The following OR2L13 variants were observed in gnomAD, a reference collection of about 807,000 sequenced individuals.
OR2L13 encodes the protein olfactory receptor family 2 subfamily L member 13, also known as olfactory receptor 2L13.
A neutral mutation model predicts 15.3 loss-of-function variants in OR2L13; 14 were observed. That is an observed-to-expected ratio of 0.91 (90% CI 0.60 to 1.43). The LOEUF is 1.43. Ranked by LOEUF, OR2L13 falls within the 40% of genes most tolerant of loss-of-function variation. The pLI is 0.00. For missense variants in OR2L13, 367 were observed against 387.9 expected (o/e 0.95, Z 0.45); for synonymous variants, 152 against 142.9 (o/e 1.06, Z -0.45).
the OR2L13 span, among the ~76,000 whole-genome samples, chr1:247,954,079 C>G: frequency 5.3e-5 from 8 of 152,138 alleles, no homozygotes; most frequent in African/African-American, 1.9e-4. Context: ...TATGCTTTTC[C>G]TTCATTAATC....
the OR2L13 span, among the ~76,000 whole-genome samples, chr1:248,071,272 T>C: frequency 2.6e-5 from 4 of 152,042 alleles, no homozygotes; most frequent in Non-Finnish European, 5.9e-5. Context: ...AAAAAGCTTA[T>C]CCACCATGAT....
At chr1:248,063,799 T>C in the OR2L13 span, among the ~76,000 whole-genome samples, 9 of 151,644 alleles carry the variant, frequency 5.9e-5, no homozygotes, top group African/African-American at 1.4e-4. Context: ...TGTGCGTGTG[T>C]GTGTGTGTGT....
chr1:247,999,828 T>G, the OR2L13 span, among the ~76,000 whole-genome samples: 33 of 152,188 alleles, frequency 2.2e-4, no homozygotes, highest in Non-Finnish European at 2.6e-4. Flanking sequence ...ATGGAGTCAA[T>G]GACTTCACTG....
At chr1:248,073,468 G>T in the OR2L13 span, among the ~76,000 whole-genome samples, 2 of 151,634 alleles carry the variant, frequency 1.3e-5, no homozygotes, top group African/African-American at 4.8e-5. Context: ...ACACTCTGAG[G>T]ACTGTTGTGG....
the OR2L13 span, among the ~76,000 whole-genome samples, chr1:248,087,103 T>G: frequency 2.6e-5 from 4 of 152,134 alleles, no homozygotes; most frequent in Non-Finnish European, 5.9e-5. Context: ...CCTTCTCTCT[T>G]CTTTCTGGCA....
chr1:247,994,379 A>G, the OR2L13 span, among the ~76,000 whole-genome samples: 2 of 152,280 alleles, frequency 1.3e-5, no homozygotes, highest in African/African-American at 2.4e-5. Flanking sequence ...CCGGGGCGAC[A>G]GAGCGAGACT....
At chr1:248,086,769 TA>T in the OR2L13 span, among the ~76,000 whole-genome samples, 1 of 151,974 alleles carries the variant, frequency 6.6e-6, no homozygotes, top group African/African-American at 2.4e-5. Flanking sequence ...AGCTATTAAA[TA>T]GGATACCTGG....
chr1:248,049,408 A>T, the OR2L13 span, among the ~76,000 whole-genome samples: 8 of 152,204 alleles, frequency 5.3e-5, no homozygotes, highest in African/African-American at 1.9e-4. Context: ...GAGAGTCGTA[A>T]ATATTACGTT....
the OR2L13 span, among the ~76,000 whole-genome samples, chr1:248,029,418 C>T: frequency 6.6e-6 from 1 of 151,832 alleles, no homozygotes; most frequent in Non-Finnish European, 1.5e-5. Context: ...AATTTGAGAA[C>T]ATTTAAAGCA....
chr1:248,010,379 T>C, the OR2L13 span, among the ~76,000 whole-genome samples: 994 of 152,212 alleles, frequency 6.5e-3, 11 homozygotes, highest in African/African-American at 0.023. Flanking sequence ...GTCAATGCAG[T>C]GCTGAGAAGA....
chr1:247,969,926 G>T, the OR2L13 span, among the ~76,000 whole-genome samples: 1 of 152,082 alleles, frequency 6.6e-6, no homozygotes, highest in Non-Finnish European at 1.5e-5. Context: ...ATACAACATG[G>T]GTTGGTGTTC....
the OR2L13 span, among the ~76,000 whole-genome samples, chr1:247,993,059 T>C: frequency 6.6e-6 from 1 of 152,190 alleles, no homozygotes; most frequent in Non-Finnish European, 1.5e-5. Context: ...TTTTTAATTA[T>C]AGCCATAGTG....
the OR2L13 span, among the ~76,000 whole-genome samples, chr1:247,958,027 T>C: frequency 0.8 from 121,293 of 151,956 alleles, 52,606 homozygotes; most frequent in South Asian, 0.95. Context: ...TTTTTAATGG[T>C]GATGTTAGGG....
At chr1:247,949,622 C>T in the OR2L13 span, 1 of 1,613,956 alleles carries the variant, frequency 6.2e-7, no homozygotes. Flanking sequence ...CACCTTTTGT[C>T]TACACTTATC....
At chr1:247,981,839 G>A in the OR2L13 span, among the ~76,000 whole-genome samples, 14 of 149,036 alleles carry the variant, frequency 9.4e-5, no homozygotes, top group African/African-American at 3.5e-4. Flanking sequence ...TTTTTGAGAC[G>A]GAGTCTCGCT....
At chr1:248,003,716 G>T in the OR2L13 span, 94,725 of 1,595,238 alleles carry the variant, frequency 0.059, 1,544 homozygotes, top group African/African-American at 0.17. Context: ...GGTCTATGAG[G>T]GCACAGTGCT....
chr1:248,004,945 T>C, the OR2L13 span, among the ~76,000 whole-genome samples: 1 of 152,158 alleles, frequency 6.6e-6, no homozygotes, highest in African/African-American at 2.4e-5. Flanking sequence ...CTCACTCATC[T>C]GTGGGAGCTA....
chr1:248,073,113 A>T, the OR2L13 span, among the ~76,000 whole-genome samples: 1 of 151,696 alleles, frequency 6.6e-6, no homozygotes, highest in Non-Finnish European at 1.5e-5. Flanking sequence ...TGACCCAGCA[A>T]TCCCATTACT....
chr1:247,954,204 T>C, the OR2L13 span, among the ~76,000 whole-genome samples: 1 of 152,214 alleles, frequency 6.6e-6, no homozygotes, highest in Non-Finnish European at 1.5e-5. Context: ...AGCTTCCTTT[T>C]GTAAGATTTA....
Sources: gnomAD v4.1 joint callset for allele counts (sites outside exome capture counted in the v4.1 genomes callset) on GRCh38, gnomAD v4.1.1 for gene constraint, MANE v1.5 for transcripts, NCBI Gene and HGNC (gene_info 2026-07-23, HGNC 2026-07-21) for gene names.